PIGK: variants seen among roughly 807,000 people sequenced by gnomAD.
PIGK encodes the protein GPI-anchor transamidase.
Under a neutral mutation model 50.6 loss-of-function variants are expected in PIGK, and 42 were observed. That is an observed-to-expected ratio of 0.83 (90% CI 0.65 to 1.07). The LOEUF is 1.07. Ranked by LOEUF, PIGK falls within the 50% of genes least tolerant of loss-of-function variation. The pLI, the probability that PIGK is intolerant of heterozygous loss-of-function variation, is 0.00. For synonymous variants in PIGK, 151 were observed against 156.0 expected (o/e 0.97, Z 0.24); for missense variants, 448 against 488.7 (o/e 0.92, Z 0.78).
chr1:77,115,273 T>C (rs1487967266), intron 10 of PIGK, among the ~76,000 whole-genome samples: 1 of 152,222 alleles, frequency 6.6e-6, no homozygotes, highest in Non-Finnish European at 1.5e-5. Flanking sequence ...TTCTCAACTA[T>C]ATATATTTTG....
intron 10 of PIGK, among the ~76,000 whole-genome samples, chr1:77,121,733 T>C (rs1055245120): frequency 1.3e-5 from 2 of 152,200 alleles, no homozygotes; most frequent in Admixed American, 1.3e-4. Flanking sequence ...AGTCTAAGCT[T>C]ACATGCTTAC....
rs1004492034 is a variant in PIGK, at chr1:77,091,693, A to C, written c.*681T>G. 2.0e-5 allele frequency: 3 copies of C among 152,156 alleles called. No individual in the cohort carries two copies. Among genetic ancestry groups the C allele is most frequent in the African/African-American group, 7.2e-5 (3 of 41,440 alleles). 9.4% of individuals were successfully genotyped at this position (152,156 alleles called of 1,614,324 possible). A position where few individuals can be genotyped will look rare whatever the true frequency, so the allele number is the denominator to read the frequency against. ...AGATTGTCAGTGCCATAGATTAAAA[A>C]ACCAATTTTTCATCTTTGCTTTTAA... On this transcript the variant is annotated 3_prime_UTR_variant, in exon 11 of 11. Coordinates refer to ENST00000370812, the MANE Select transcript of PIGK (RefSeq NM_005482.3).
intron 3 of PIGK, among the ~76,000 whole-genome samples, chr1:77,186,859 C>A (rs188691364): frequency 9.6e-4 from 146 of 152,286 alleles, no homozygotes; most frequent in Admixed American, 2.2e-3. Context: ...GGCACCATTC[C>A]TCGGCATGAT....
intron 10 of PIGK, among the ~76,000 whole-genome samples, chr1:77,093,968 A>G (rs980863558): frequency 1.3e-5 from 2 of 152,182 alleles, no homozygotes; most frequent in African/African-American, 4.8e-5. Context: ...AGAATAATTA[A>G]TAAAAAGCAA....
chr1:77,208,415 A>G (rs1195328714), intron 2 of PIGK, among the ~76,000 whole-genome samples: 1 of 152,192 alleles, frequency 6.6e-6, no homozygotes, highest in African/African-American at 2.4e-5. Flanking sequence ...GAGGTTTCCC[A>G]GAGCAAGGAA....
chr1:77,205,418 T>C (rs1332862527), intron 3 of PIGK, among the ~76,000 whole-genome samples: 1 of 151,322 alleles, frequency 6.6e-6, no homozygotes, highest in Non-Finnish European at 1.5e-5. Flanking sequence ...AATATGGAAA[T>C]TATAGTTTTG....
intron 3 of PIGK, among the ~76,000 whole-genome samples, chr1:77,182,014 C>G (rs1375225507): frequency 6.6e-6 from 1 of 152,002 alleles, no homozygotes; most frequent in Non-Finnish European, 1.5e-5. Flanking sequence ...TAGCATTCTT[C>G]GATACATGAT....
chr1:77,153,675 T>A (rs920350083), intron 9 of PIGK: 1 of 152,056 alleles, frequency 6.6e-6, no homozygotes, highest in African/African-American at 2.4e-5. Context: ...AAGAAAAGCA[T>A]CTTGTGCCAG....
rs886149020 is a variant in PIGK, at chr1:77,090,952, C to A, written c.*1422G>T. The A allele has an allele frequency of 1.3e-5, 2 of 152,084 alleles. No homozygotes were observed. The highest frequency in any genetic ancestry group is 6.5e-5 in the Admixed American group (1 of 15,268). The allele number at this position is 152,084 out of a possible 1,614,324, so 9.4% of individuals were successfully genotyped here. ...TTTGCCTTTTGAAAAGTATGACAAT[C>A]TTGCATGCAATTAAAAGGTAATATT... On this transcript the variant is annotated 3_prime_UTR_variant, in exon 11 of 11. Transcript: ENST00000370812.
At chr1:77,134,959 T>C (rs1347966563) in intron 9 of PIGK, among the ~76,000 whole-genome samples, 1 of 152,160 alleles carries the variant, frequency 6.6e-6, no homozygotes, top group Non-Finnish European at 1.5e-5. Context: ...TGATTATAAC[T>C]ATTACACTGT....
At chr1:77,209,690 A>G (rs1399917851) in intron 2 of PIGK, among the ~76,000 whole-genome samples, 2 of 152,090 alleles carry the variant, frequency 1.3e-5, no homozygotes, top group African/African-American at 4.8e-5. Context: ...AAATGCCCAT[A>G]AACTGGAGGT....
In PIGK at chr1:77,157,340, G is replaced by C. The variant is rs568487127; in HGVS notation, c.814-2719C>G. Among the ~76,000 whole-genome samples, 4 of 152,212 alleles carry C rather than the reference G, an allele frequency of 2.6e-5. No homozygotes were observed. In the South Asian group the frequency reaches 8.3e-4, roughly 32 times the overall value. On this transcript the variant is annotated intron_variant, in intron 8 of 10. Transcript: ENST00000370812. The stretch of plus-strand genomic sequence containing the variant: ...AAATCTTAAAAATAAAGGTGGTAGG[G>C]TAAGATGAGGTATTAGTGAGGAATG...
intron 9 of PIGK, among the ~76,000 whole-genome samples, chr1:77,135,479 G>T (rs1007090550): frequency 6.6e-6 from 1 of 151,914 alleles, no homozygotes; most frequent in East Asian, 1.9e-4. Context: ...GTAGTTGCCT[G>T]TAATCCTTTC....
At chr1:77,116,185 C>T (rs1653957281) in intron 10 of PIGK, among the ~76,000 whole-genome samples, 1 of 151,798 alleles carries the variant, frequency 6.6e-6, no homozygotes, top group Non-Finnish European at 1.5e-5. Context: ...TCTCACACAT[C>T]TTTCTCTTTT....
chr1:77,139,363 T>C (rs1654593177), intron 9 of PIGK, among the ~76,000 whole-genome samples: 1 of 151,408 alleles, frequency 6.6e-6, no homozygotes, highest in Non-Finnish European at 1.5e-5. Flanking sequence ...AGTCACACAG[T>C]CCCCTGTAAA....
In PIGK at chr1:77,152,388, G is replaced by A. The variant is rs374415537; in HGVS notation, c.986+2061C>T. Among the ~76,000 whole-genome samples the A allele has an allele frequency of 2.6e-5, 4 of 151,990 alleles. No individual in the cohort carries two copies. In the East Asian group the frequency reaches 5.8e-4, roughly 22 times the overall value. ...AGACTTAAATCTAAGACCTGAAACTGTGACACTACTAAAAGGAAACACTGG... is the reference window on the plus strand; with the variant it reads ...AGACTTAAATCTAAGACCTGAAACTATGACACTACTAAAAGGAAACACTGG... On this transcript the variant is annotated intron_variant, in intron 9 of 10. Transcript: ENST00000370812.
At chr1:77,116,131 T>C (rs1019482525) in intron 10 of PIGK, among the ~76,000 whole-genome samples, 1 of 152,128 alleles carries the variant, frequency 6.6e-6, no homozygotes, top group African/African-American at 2.4e-5. Flanking sequence ...CCTAAATTCA[T>C]GAAGATAAAA....
At chr1:77,109,137 A>G (rs1294792494) in intron 10 of PIGK, among the ~76,000 whole-genome samples, 1 of 152,206 alleles carries the variant, frequency 6.6e-6, no homozygotes, top group Non-Finnish European at 1.5e-5. Context: ...AACCAAAAAA[A>G]GTCCAGGACC....
rs939060303 is a variant in PIGK at position 77,219,355 on chromosome 1, A to G, written c.48T>C (p.Thr16=). Residue 16 remains threonine (T), a synonymous_variant, in exon 1 of 11, where the codon ACT becomes ACC. Coordinates refer to ENST00000370812, the MANE Select transcript of PIGK (RefSeq NM_005482.3). Reference sequence around the variant, plus strand: ...CGCTGCCGAAGGACAAGAGCAACACAGTTGCCAAGACAGTCGCAGCCCGGC... The same window carrying G: ...CGCTGCCGAAGGACAAGAGCAACACGGTTGCCAAGACAGTCGCAGCCCGGC... ...SLSRAATVLA[T]VLLLSFGSVA... 1.2e-6 allele frequency: 2 copies of G among 1,613,830 alleles called. No homozygotes were observed. Among genetic ancestry groups the G allele is most frequent in the Admixed American group, 1.7e-5 (1 of 60,020 alleles).
Sources: allele counts gnomAD v4.1 joint callset (sites outside exome capture counted in the v4.1 genomes callset), GRCh38; gene constraint gnomAD v4.1.1; transcripts MANE v1.5; gene names NCBI Gene and HGNC (gene_info 2026-07-23, HGNC 2026-07-21).